Variants in ATP10D observed in about 807,000 individuals in gnomAD.
ATP10D encodes ATPase phospholipid transporting 10D (putative).
ATP10D carries 89 observed loss-of-function variants against 144.8 expected under a neutral mutation model. The ratio of observed to expected loss-of-function variants is 0.61; its 90% CI spans 0.52 to 0.73. ATP10D has a LOEUF of 0.73. Among genes scored for constraint, ATP10D ranks in the 30% least tolerant of loss-of-function variants. The probability of loss-of-function intolerance (pLI) is 0.00; values close to 1 mark genes in which losing one functional copy is unlikely to be tolerated. For synonymous variants in ATP10D, 571 were observed against 615.1 expected (o/e 0.93, Z 1.06); for missense variants, 1,603 against 1,714.8 (o/e 0.93, Z 1.15).
chr4:47,525,715 G>C, intron 5 of ATP10D, 73 bp downstream of exon 5: 1 of 1,262,206 alleles, frequency 7.9e-7, no homozygotes, highest in South Asian at 1.2e-5. Flanking sequence ...ATTTGATAAA[G>C]TGTTTCTGTG....
At chr4:47,589,545 C>T (rs1051775091) in intron 22 of ATP10D, among the ~76,000 whole-genome samples, 1 of 152,078 alleles carries the variant, frequency 6.6e-6, no homozygotes, top group Non-Finnish European at 1.5e-5. Flanking sequence ...GCTACATTTA[C>T]TTATTAGTTC....
At chr4:47,549,706 A>G (rs1360177925) in intron 10 of ATP10D, among the ~76,000 whole-genome samples, 2 of 152,260 alleles carry the variant, frequency 1.3e-5, no homozygotes, top group Admixed American at 6.5e-5. Context: ...AAGTATAGTA[A>G]GGTCACAAAG....
intron 1 of ATP10D, among the ~76,000 whole-genome samples, chr4:47,489,483 T>C (rs1714963610): frequency 6.6e-6 from 1 of 152,150 alleles, no homozygotes; most frequent in Non-Finnish European, 1.5e-5. Context: ...GGATTATAGT[T>C]GATTTGTATT....
intron 1 of ATP10D, among the ~76,000 whole-genome samples, chr4:47,498,716 G>T (rs56373263): frequency 0.078 from 11,859 of 152,166 alleles, 522 homozygotes; most frequent in East Asian, 0.11. Context: ...TATTCGTTGA[G>T]GGCATGTTAT....
At chr4:47,500,351 C>G (rs1018575523) in intron 1 of ATP10D, among the ~76,000 whole-genome samples, 2 of 152,178 alleles carry the variant, frequency 1.3e-5, no homozygotes, top group African/African-American at 4.8e-5. Context: ...CTGGAGGTGG[C>G]TACTGTAATT....
intron 1 of ATP10D, among the ~76,000 whole-genome samples, chr4:47,496,160 T>TC (rs1464159324): frequency 9.9e-6 from 1 of 101,290 alleles, no homozygotes; most frequent in Non-Finnish European, 2.1e-5. Context: ...CTTTTTCTTT[T>TC]TTTTTTTTTT....
chr4:47,564,412 T>C lies in ATP10D; in HGVS notation c.2853+647T>C, dbSNP rs138857221. Among the ~76,000 whole-genome samples the C allele has an allele frequency of 3.9e-5, 6 of 152,140 alleles. No homozygotes were observed. The East Asian group carries it at 1.2e-3, about 29-fold the overall frequency. On this transcript the variant is annotated intron_variant, in intron 15 of 22. Coordinates refer to ENST00000273859, the MANE Select transcript of ATP10D (RefSeq NM_020453.4). ...GGACTTAGCCCAAAATGAGAAAATA[T>C]ATCAAGTCCTGGTACAGGAATCTAC... is the stretch of plus-strand genomic sequence containing the variant.
intron 5 of ATP10D, among the ~76,000 whole-genome samples, chr4:47,526,208 A>T (rs1432188008): frequency 6.6e-6 from 1 of 152,240 alleles, no homozygotes; most frequent in Non-Finnish European, 1.5e-5. Flanking sequence ...ATAATATATT[A>T]TGACCCAGTG....
chr4:47,554,550 A>G (rs1306823424), intron 10 of ATP10D, among the ~76,000 whole-genome samples, 176 bp from the exon 11 acceptor site: 1 of 152,018 alleles, frequency 6.6e-6, no homozygotes. Flanking sequence ...TATATCTTTT[A>G]TTTTCCTATT....
At chr4:47,536,599 C>G (rs768310471) in intron 8 of ATP10D, 35 bp downstream of exon 8, 41 of 1,607,904 alleles carry the variant, frequency 2.5e-5, no homozygotes, top group Non-Finnish European at 3.4e-5. Flanking sequence ...AGAATTTTAA[C>G]ATCTTTGCTG....
intron 6 of ATP10D, 109 bp from the exon 7 acceptor site, chr4:47,535,793 T>C: frequency 7.3e-7 from 1 of 1,368,630 alleles, no homozygotes; most frequent in South Asian, 1.5e-5. Flanking sequence ...ACAAAATAGA[T>C]CATGTAACTG....
rs1336662697 is a variant in ATP10D at position 47,535,591 on chromosome 4, G to A, written c.859G>A (p.Val287Ile). The A allele has an allele frequency of 1.9e-6, 3 of 1,612,894 alleles. No homozygotes were observed. Among genetic ancestry groups the A allele is most frequent in the East Asian group, 2.2e-5 (1 of 44,842 alleles). Residue 287 changes from valine (V) to isoleucine (I), a missense_variant, in exon 6 of 23, where the codon GTT (valine) becomes ATT (isoleucine). Transcript: ENST00000273859. ...ATGCACCATTAGAAACACAGAGGCTGTTGTGGGCATTGTGGTTTATGCAGG... is the reference window on the plus strand; with the variant it reads ...ATGCACCATTAGAAACACAGAGGCTATTGTGGGCATTGTGGTTTATGCAGG... ...RGCTIRNTEA[V>I]VGIVVYAGHE...
At chr4:47,495,679 C>T (rs1202951124) in intron 1 of ATP10D, among the ~76,000 whole-genome samples, 5 of 150,900 alleles carry the variant, frequency 3.3e-5, no homozygotes, top group Non-Finnish European at 7.4e-5. Flanking sequence ...CTAAATCATG[C>T]TTTAAAACTT....
rs201603122 is a variant in ATP10D, at chr4:47,546,861, T to C, written c.1634T>C (p.Ile545Thr). ...AGACAGGCTGCTTTCAGTAGCCCCA[T>C]TGTAAGTATGAATGCATGACTAGAG... ...HSRQAAFSSP[I>T]ETDVVPDTRL... Residue 545 changes from isoleucine (I) to threonine (T), a missense_variant and splice_region_variant, in exon 10 of 23, where the codon ATT becomes ACT. Transcript: ENST00000273859. 9.3e-6 allele frequency: 15 copies of C among 1,610,660 alleles called. No homozygotes were observed. The highest frequency in any genetic ancestry group is 2.2e-5 in the East Asian group (1 of 44,872).
At chr4:47,520,188 C>T (rs1716872601) in intron 3 of ATP10D, among the ~76,000 whole-genome samples, 1 of 152,160 alleles carries the variant, frequency 6.6e-6, no homozygotes, top group South Asian at 2.1e-4. Context: ...CAGCAAATTT[C>T]CTCCTGGCTT....
intron 1 of ATP10D, chr4:47,491,235 A>G (rs1715062084): frequency 1.3e-6 from 1 of 778,486 alleles, no homozygotes; most frequent in Non-Finnish European, 2.3e-6. Flanking sequence ...TAACTTGTTT[A>G]CAACAATGCC....
chr4:47,573,086 G>C, intron 18 of ATP10D, 89 bp downstream of exon 18: 1 of 1,466,918 alleles, frequency 6.8e-7, no homozygotes. Context: ...CCTATGCTAA[G>C]CTCACTTTCC....
At chr4:47,520,750 G>T (rs1162223301) in intron 3 of ATP10D, among the ~76,000 whole-genome samples, 1 of 152,016 alleles carries the variant, frequency 6.6e-6, no homozygotes, top group Admixed American at 6.6e-5. Context: ...TTGTATTTTA[G>T]TAGAGACAGG....
At chr4:47,521,512 G>A (rs910686003) in intron 3 of ATP10D, among the ~76,000 whole-genome samples, 22 of 151,932 alleles carry the variant, frequency 1.4e-4, no homozygotes, top group African/African-American at 2.7e-4. Flanking sequence ...ATAACTTACC[G>A]TTGGTCTTTT....
Sources: allele counts gnomAD v4.1 joint callset (sites outside exome capture counted in the v4.1 genomes callset), GRCh38; gene constraint gnomAD v4.1.1; transcripts MANE v1.5; gene names NCBI Gene and HGNC (gene_info 2026-07-23, HGNC 2026-07-21).